Variants in DMTF1 observed in about 807,000 individuals in gnomAD.
DMTF1 encodes the protein cyclin D binding myb like transcription factor 1, also known as cyclin-D-binding Myb-like transcription factor 1.
Under a neutral mutation model 91.1 loss-of-function variants are expected in DMTF1, and 39 were observed. The observed-to-expected ratio is 0.43, with a 90% CI of 0.33 to 0.56. DMTF1 has a LOEUF of 0.56. DMTF1 is among the 20% of genes least tolerant of loss of function. DMTF1 has a pLI of 0.05. For missense variants in DMTF1, 750 were observed against 914.5 expected (o/e 0.82, Z 2.32); for synonymous variants, 338 against 309.5 (o/e 1.09, Z -0.97).
At chr7:87,154,683 T>C (rs1388762884) in intron 1 of DMTF1, among the ~76,000 whole-genome samples, 2 of 152,218 alleles carry the variant, frequency 1.3e-5, no homozygotes, top group Non-Finnish European at 2.9e-5. Context: ...GACTTGAGCT[T>C]TGAAAACAGC....
chr7:87,157,936 T>TA, intron 1 of DMTF1, among the ~76,000 whole-genome samples: 1 of 152,238 alleles, frequency 6.6e-6, no homozygotes, highest in South Asian at 2.1e-4. Context: ...GTTTGGTTTT[T>TA]AAAATACTAA....
intron 1 of DMTF1, among the ~76,000 whole-genome samples, chr7:87,159,580 T>A (rs1791698647): frequency 6.6e-6 from 1 of 152,208 alleles, no homozygotes; most frequent in Non-Finnish European, 1.5e-5. Flanking sequence ...AAATGCCACT[T>A]CAGTTAAAAT....
At chr7:87,186,855 A>G (rs1004894659) in intron 12 of DMTF1, 15 of 152,148 alleles carry the variant, frequency 9.9e-5, no homozygotes, top group Non-Finnish European at 1.9e-4. Flanking sequence ...CCCATCCTTA[A>G]GTGATTGATG....
chr7:87,194,198 C>T (rs1800595890), intron 16 of DMTF1, 96 bp downstream of exon 16: 4 of 1,360,386 alleles, frequency 2.9e-6, no homozygotes, highest in Non-Finnish European at 4.0e-6. Flanking sequence ...TGAAATTAAG[C>T]TCAAACCCCC....
At chr7:87,184,308 T>C (rs1408686950) in intron 10 of DMTF1, 89 bp from the exon 11 acceptor site, 2 of 1,216,502 alleles carry the variant, frequency 1.6e-6, no homozygotes, top group Non-Finnish European at 2.3e-6. Context: ...TACTATTGCT[T>C]ACTTCCTATC....
intron 12 of DMTF1, chr7:87,186,217 A>T: frequency 6.5e-6 from 3 of 462,332 alleles, no homozygotes; most frequent in Non-Finnish European, 3.9e-6. Flanking sequence ...CTTCTACGTA[A>T]ACTATCAGGA....
chr7:87,169,356 G>A (rs2129087117), intron 4 of DMTF1, among the ~76,000 whole-genome samples: 1 of 152,292 alleles, frequency 6.6e-6, no homozygotes, highest in East Asian at 1.9e-4. Flanking sequence ...CTGCTAGGGA[G>A]GCTGAGGTGG....
In DMTF1 at chr7:87,194,026, C is replaced by T. The variant is rs767246457; in HGVS notation, c.1952C>T (p.Thr651Ile). Residue 651 changes from threonine to isoleucine, a missense_variant, in exon 16 of 18, where the codon ACA becomes ATA. Coordinates refer to ENST00000331242, the MANE Select transcript of DMTF1 (RefSeq NM_001142327.2). ...TELMNSVMVR[T>I]EEEISDTDLK... is the part of the protein sequence containing the mutation. Reference sequence around the variant, plus strand: ...CTGATGAATAGTGTTATGGTCAGAACAGAAGAAGAAATCTCTGACACCGAC... The same window carrying T: ...CTGATGAATAGTGTTATGGTCAGAATAGAAGAAGAAATCTCTGACACCGAC... 6.2e-7 allele frequency: 1 copy of T among 1,612,962 alleles called. No homozygotes were observed. Among genetic ancestry groups the T allele is most frequent in the South Asian group, 1.1e-5 (1 of 90,970 alleles).
Position 87,160,463 on chromosome 7 carries a change from C to T in DMTF1, c.-131-3032C>T, listed in dbSNP as rs561152744. Among the ~76,000 whole-genome samples the T allele has an allele frequency of 4.6e-5, 7 of 151,540 alleles. No individual in the cohort carries two copies. In the South Asian group the frequency reaches 8.4e-4, roughly 18 times the overall value. ...CTAATTTTTGTATTTTTAGTAGAGA[C>T]GGGGTTTCAGCATGTTGGCCAGGCG... On this transcript the variant is annotated intron_variant, in intron 1 of 17. Transcript: ENST00000331242.
Position 87,193,357 on chromosome 7 carries a change from T to A in DMTF1, c.1650+4T>A. 6.2e-7 allele frequency: 1 copy of A among 1,612,988 alleles called. No homozygotes were observed. The highest frequency in any genetic ancestry group is 8.5e-7 in the Non-Finnish European group (1 of 1,179,344). On this transcript the variant is annotated splice_donor_region_variant and intron_variant, in intron 15 of 17. Transcript: ENST00000331242. ...GATTATTGTTCATGCTTTATCCGTA[T>A]GTTACATAAATTACTTGATTTTTGA...
intron 6 of DMTF1, among the ~76,000 whole-genome samples, chr7:87,174,220 T>C (rs1795737949): frequency 6.6e-6 from 1 of 152,254 alleles, no homozygotes; most frequent in South Asian, 2.1e-4. Flanking sequence ...GTTTTTTGTA[T>C]GTGTTCTTTT....
chr7:87,181,292 T>A lies in DMTF1; in HGVS notation c.678-17T>A. ...ATTGTTTTAATTGATTTTTTAAAAA[T>A]TTCTCTGAATTTCTAGATATACACC... On this transcript the variant is annotated splice_polypyrimidine_tract_variant and intron_variant, in intron 8 of 17. Transcript: ENST00000331242. 8.3e-7 allele frequency: 1 copy of A among 1,204,740 alleles called. No homozygotes were observed. Among genetic ancestry groups the A allele is most frequent in the Non-Finnish European group, 1.2e-6 (1 of 838,382 alleles). 74.6% of individuals were successfully genotyped at this position (1,204,740 alleles called of 1,614,324 possible). A position where few individuals can be genotyped will look rare whatever the true frequency, so the allele number is the denominator to read the frequency against.
intron 4 of DMTF1, among the ~76,000 whole-genome samples, chr7:87,170,315 C>G (rs1347245967): frequency 6.6e-6 from 1 of 152,168 alleles, no homozygotes; most frequent in Non-Finnish European, 1.5e-5. Flanking sequence ...TTTCTTATAG[C>G]AGCCAGAGTG....
chr7:87,178,152 A>G (rs1358231241), intron 7 of DMTF1, among the ~76,000 whole-genome samples: 4 of 152,082 alleles, frequency 2.6e-5, no homozygotes, highest in Non-Finnish European at 5.9e-5. Flanking sequence ...TTCAGTATCA[A>G]GTTTTATATT....
At chr7:87,165,180 A>C (rs1286853134) in intron 3 of DMTF1, 130 bp downstream of exon 3, 1 of 495,936 alleles carries the variant, frequency 2.0e-6, no homozygotes, top group South Asian at 3.7e-5. Context: ...AAAGGAGATT[A>C]TCTCTTTAAC....
chr7:87,182,441 A>C, intron 10 of DMTF1, 104 bp downstream of exon 10: 5 of 1,014,988 alleles, frequency 4.9e-6, no homozygotes, highest in Non-Finnish European at 4.5e-6. Context: ...TAGATCATTC[A>C]CCTTAGTTCA....
intron 3 of DMTF1, among the ~76,000 whole-genome samples, chr7:87,165,815 T>G (rs565957457): frequency 6.6e-6 from 1 of 152,316 alleles, no homozygotes; most frequent in South Asian, 2.1e-4. Context: ...ACTTCTCTCA[T>G]CACCTGCATC....
At position 87,174,612 on chromosome 7, in the gene DMTF1, G is replaced by A. The variant is rs746481922; in HGVS notation, c.462G>A (p.Gly154=). Residue 154 remains glycine (G), a synonymous_variant, in exon 7 of 18, where the codon GGG becomes GGA. Transcript: ENST00000331242. ...TTAAAGGACATAAATGGAAGCAGGG[G>A]ATGTGGTCCAAGGAAGAAATTGATA... The part of the protein sequence containing the change: ...LTNKGHKWKQ[G]MWSKEEIDIL... The A allele has an allele frequency of 5.0e-6, 8 of 1,609,618 alleles. No individual in the cohort carries two copies. In the East Asian group the frequency reaches 1.8e-4, roughly 36 times the overall value.
At chr7:87,159,785 A>C (rs947576571) in intron 1 of DMTF1, among the ~76,000 whole-genome samples, 13 of 152,386 alleles carry the variant, frequency 8.5e-5, no homozygotes, top group African/African-American at 3.1e-4. Flanking sequence ...AGACCTGTAC[A>C]GCGTGTTACT....
Sources: gnomAD v4.1 joint callset for allele counts (sites outside exome capture counted in the v4.1 genomes callset) on GRCh38, gnomAD v4.1.1 for gene constraint, MANE v1.5 for transcripts, NCBI Gene and HGNC (gene_info 2026-07-23, HGNC 2026-07-21) for gene names.